Variants in TRHDE observed in about 807,000 individuals in gnomAD.
The protein encoded by TRHDE is thyrotropin releasing hormone degrading enzyme.
TRHDE carries 72 observed loss-of-function variants against 125.7 expected under a neutral mutation model. The ratio of observed to expected loss-of-function variants is 0.57; its 90% confidence interval spans 0.47 to 0.70. The LOEUF (loss-of-function observed/expected upper bound fraction) is 0.70. TRHDE is among the 30% of genes least tolerant of loss of function. The pLI is 0.00. For missense variants in TRHDE, 1,110 were observed against 1,327.1 expected, an observed-to-expected ratio of 0.84 and a Z score of 2.54; for synonymous variants, 509 against 509.1, an observed-to-expected ratio of 1.00 and a Z score of 0.00.
At chr12:72,127,546 C>G (rs558091600) in intron 2 of TRHDE, among the ~76,000 whole-genome samples, 1 of 152,112 alleles carries the variant, frequency 6.6e-6, no homozygotes, top group Non-Finnish European at 1.5e-5. Flanking sequence ...AACATGGATT[C>G]AGTTGGAGGC....
chr12:72,380,959 G>A, intron 3 of TRHDE, among the ~76,000 whole-genome samples: 1 of 151,494 alleles, frequency 6.6e-6, no homozygotes, highest in Non-Finnish European at 1.5e-5. Flanking sequence ...CAGAGGCATT[G>A]TAGAATCTGA....
chr12:72,562,544 G>C (rs1393433250), intron 8 of TRHDE, among the ~76,000 whole-genome samples: 1 of 151,910 alleles, frequency 6.6e-6, no homozygotes, highest in Non-Finnish European at 1.5e-5. Context: ...CTATAGGTCA[G>C]ATATTTAAAT....
At chr12:72,224,082 CTAT>C (rs1565666531) in intron 2 of TRHDE, among the ~76,000 whole-genome samples, 1,280 of 37,626 alleles carry the variant, frequency 0.034, 20 homozygotes, top group African/African-American at 0.13. Flanking sequence ...ATCTATCCAT[CTAT>C]CTATCCATCT....
intron 2 of TRHDE, among the ~76,000 whole-genome samples, chr12:72,187,315 ACAC>A (rs1877239201): frequency 1.0e-5 from 1 of 100,272 alleles, no homozygotes. Flanking sequence ...AACACAACAC[ACAC>A]ACACACACAC....
intron 6 of TRHDE, among the ~76,000 whole-genome samples, chr12:72,500,047 T>G (rs932243992): frequency 6.6e-6 from 1 of 152,190 alleles, no homozygotes; most frequent in African/African-American, 2.4e-5. Flanking sequence ...GGTAATGACA[T>G]GATGCATGCA....
chr12:72,206,197 C>T (rs1285613531), intron 2 of TRHDE, among the ~76,000 whole-genome samples: 2 of 151,922 alleles, frequency 1.3e-5, no homozygotes, highest in Admixed American at 1.3e-4. Flanking sequence ...AGTGATTCTC[C>T]TCCTTCAGCC....
chr12:72,163,427 C>T (rs1253329652), intron 2 of TRHDE, among the ~76,000 whole-genome samples: 1 of 152,200 alleles, frequency 6.6e-6, no homozygotes, highest in Non-Finnish European at 1.5e-5. Context: ...TCCTGCATAT[C>T]TCAGGCAACA....
rs535761857 is a variant in TRHDE at position 72,587,797 on chromosome 12, A to G, written c.2321+12255A>G. 3.3e-5 allele frequency among the ~76,000 whole-genome samples: 5 copies of G among 152,280 alleles called. No individual in the cohort carries two copies. The South Asian group carries it at 1.0e-3, about 32-fold the overall frequency. ...GTGTTTGATGCAGAAATTTTAAAAT[A>G]TTCACCTACTTCAAAGATATGGTAA... is the stretch of plus-strand genomic sequence containing the variant. On this transcript the variant is annotated intron_variant, in intron 12 of 18. Coordinates refer to ENST00000261180, the MANE Select transcript of TRHDE (RefSeq NM_013381.3).
At chr12:72,295,141 A>G (rs1433964792) in intron 2 of TRHDE, among the ~76,000 whole-genome samples, 13 of 4,960 alleles carry the variant, frequency 2.6e-3, no homozygotes, top group South Asian at 5.4e-3. Flanking sequence ...TGGCTGGGGG[A>G]TGGGGGGTGG....
intron 2 of TRHDE, among the ~76,000 whole-genome samples, chr12:72,340,142 C>T (rs1382849788): frequency 6.6e-6 from 1 of 152,142 alleles, no homozygotes; most frequent in Non-Finnish European, 1.5e-5. Context: ...GCAACTCTCC[C>T]TGTTGCATAA....
intron 2 of TRHDE, among the ~76,000 whole-genome samples, chr12:72,307,716 C>A (rs1868369653): frequency 6.6e-6 from 1 of 152,096 alleles, no homozygotes; most frequent in Non-Finnish European, 1.5e-5. Context: ...ATGATGCCTA[C>A]CATTTCTAGG....
chr12:72,587,371 T>C (rs1871483306), intron 12 of TRHDE, among the ~76,000 whole-genome samples: 2 of 152,096 alleles, frequency 1.3e-5, no homozygotes. Context: ...ACAGATGCAA[T>C]ACGTAGGTTA....
At chr12:72,125,304 T>C (rs1231550431) in intron 2 of TRHDE, among the ~76,000 whole-genome samples, 1 of 152,166 alleles carries the variant, frequency 6.6e-6, no homozygotes, top group Non-Finnish European at 1.5e-5. Flanking sequence ...TTCCAGGTTG[T>C]TTATATGTAT....
intron 2 of TRHDE, among the ~76,000 whole-genome samples, chr12:72,179,200 A>G (rs12303012): frequency 0.058 from 8,829 of 152,206 alleles, 437 homozygotes; most frequent in African/African-American, 0.13. Flanking sequence ...TGAGTAAATC[A>G]GAATAATACT....
intron 2 of TRHDE, among the ~76,000 whole-genome samples, chr12:72,142,823 G>A (rs1403028211): frequency 3.3e-5 from 5 of 151,930 alleles, no homozygotes; most frequent in South Asian, 2.1e-4. Flanking sequence ...GGAAGAGTCC[G>A]GCTGCTGGGC....
intron 6 of TRHDE, among the ~76,000 whole-genome samples, chr12:72,519,008 G>C (rs1422810605): frequency 1.3e-5 from 2 of 152,230 alleles, no homozygotes; most frequent in African/African-American, 2.4e-5. Flanking sequence ...TTTCTGCCGA[G>C]AGATCTGCTG....
At chr12:72,416,484 C>G (rs1873737699) in intron 3 of TRHDE, among the ~76,000 whole-genome samples, 1 of 151,756 alleles carries the variant, frequency 6.6e-6, no homozygotes, top group African/African-American at 2.4e-5. Flanking sequence ...GGAGAGTTTC[C>G]CCAATGTTTA....
intron 3 of TRHDE, among the ~76,000 whole-genome samples, chr12:72,433,007 T>C (rs1874565809): frequency 6.6e-6 from 1 of 152,156 alleles, no homozygotes; most frequent in Non-Finnish European, 1.5e-5. Context: ...TTTTTTATTA[T>C]TATGAAAGGG....
chr12:72,171,532 G>T (rs1253207673), intron 2 of TRHDE, among the ~76,000 whole-genome samples: 1 of 152,216 alleles, frequency 6.6e-6, no homozygotes, highest in Admixed American at 6.5e-5. Flanking sequence ...GACAAAAGGA[G>T]AGGAGTATAG....
Sources: allele counts gnomAD v4.1 joint callset (sites outside exome capture counted in the v4.1 genomes callset), GRCh38; gene constraint gnomAD v4.1.1; transcripts MANE v1.5; gene names NCBI Gene and HGNC (gene_info 2026-07-23, HGNC 2026-07-21).